The following KNTC1 variants were observed in gnomAD, a reference collection of about 807,000 sequenced individuals.
KNTC1 encodes kinetochore-associated protein 1.
KNTC1 carries 253 observed loss-of-function variants against 314.4 expected under a neutral mutation model. The observed-to-expected ratio is 0.80, with a 90% confidence interval of 0.73 to 0.89. The LOEUF is 0.89. KNTC1 is among the 40% of genes least tolerant of loss of function. The probability of loss-of-function intolerance (pLI) is 0.00; values close to 1 mark genes in which losing one functional copy is unlikely to be tolerated. For synonymous variants in KNTC1, 901 were observed against 901.4 expected (o/e 1.00, Z 0.01); for missense variants, 2,475 against 2,572.9 (o/e 0.96, Z 0.82).
In KNTC1 at chr12:122,619,400, C is replaced by T. The variant is rs150311605; in HGVS notation, c.6149+855C>T. 3.4e-4 allele frequency among the ~76,000 whole-genome samples: 51 copies of T among 148,768 alleles called. No homozygotes were observed. The East Asian group carries it at 7.3e-3, about 21-fold the overall frequency. Reference sequence around the variant, plus strand: ...CTGGGATTACAGATGTGAGGCACTGCGCCCAGCAACACTTGTTTTGTTTTG... The same window carrying T: ...CTGGGATTACAGATGTGAGGCACTGTGCCCAGCAACACTTGTTTTGTTTTG... On this transcript the variant is annotated intron_variant, in intron 59 of 63. Transcript: ENST00000333479.
At chr12:122,622,116 T>C in intron 61 of KNTC1, 146 bp downstream of exon 61, 5 of 704,064 alleles carry the variant, frequency 7.1e-6, no homozygotes, top group Non-Finnish European at 1.2e-5. Flanking sequence ...AAAACCTCAG[T>C]AAATTTTTTA....
At chr12:122,588,841 T>C (rs199744630) in intron 40 of KNTC1, 25 bp downstream of exon 40, 451 of 1,456,880 alleles carry the variant, frequency 3.1e-4, no homozygotes, top group Middle Eastern at 2.1e-3. Context: ...TGGGTAAAAA[T>C]TTTGTTTGTT....
chr12:122,564,042 A>C (rs1272477540), intron 20 of KNTC1, among the ~76,000 whole-genome samples: 1 of 152,194 alleles, frequency 6.6e-6, no homozygotes, highest in African/African-American at 2.4e-5. Flanking sequence ...CAGCGATGCT[A>C]TCTTGGCTCA....
intron 31 of KNTC1, among the ~76,000 whole-genome samples, chr12:122,578,377 G>T (rs1421336118): frequency 6.6e-6 from 1 of 150,688 alleles, no homozygotes; most frequent in African/African-American, 2.4e-5. Flanking sequence ...AAGTAGCTGG[G>T]ATTACAGGCA....
intron 35 of KNTC1, 117 bp downstream of exon 35, chr12:122,584,567 G>A (rs1868962474): frequency 1.5e-6 from 1 of 686,382 alleles, no homozygotes; most frequent in African/African-American, 1.8e-5. Flanking sequence ...GATAGTATCT[G>A]CATTTCACAA....
chr12:122,590,784 G>C (rs372339866), intron 41 of KNTC1, 49 bp downstream of exon 41: 7 of 1,562,208 alleles, frequency 4.5e-6, no homozygotes, highest in Admixed American at 1.8e-5. Context: ...TTCAAGATTG[G>C]GGGGGAGAAA....
intron 20 of KNTC1, chr12:122,563,858 T>A: frequency 1.4e-6 from 2 of 1,382,616 alleles, no homozygotes; most frequent in Non-Finnish European, 1.9e-6. Flanking sequence ...CTTCACTCTA[T>A]AAACAGGGTT....
chr12:122,552,861 G>C (rs761635772), intron 16 of KNTC1, among the ~76,000 whole-genome samples: 2 of 152,028 alleles, frequency 1.3e-5, no homozygotes, highest in Non-Finnish European at 1.5e-5. Flanking sequence ...GCTGATAAGA[G>C]AGGAATATAG....
chr12:122,539,962 T>G (rs1378992459), intron 5 of KNTC1, among the ~76,000 whole-genome samples: 1 of 151,160 alleles, frequency 6.6e-6, no homozygotes, highest in Non-Finnish European at 1.5e-5. Context: ...GTATTTTTAA[T>G]AGAGATGGAG....
intron 18 of KNTC1, among the ~76,000 whole-genome samples, chr12:122,560,747 A>C (rs1230490352): frequency 6.6e-6 from 1 of 152,176 alleles, no homozygotes; most frequent in East Asian, 1.9e-4. Flanking sequence ...TTCCAGCAAC[A>C]GTGCATAAGT....
At chr12:122,565,997 C>T (rs1249561806) in intron 20 of KNTC1, among the ~76,000 whole-genome samples, 2 of 136,666 alleles carry the variant, frequency 1.5e-5, no homozygotes. Context: ...GTGTGGAGTG[C>T]AGTGGCATGA....
At chr12:122,544,022 C>T (rs1331921122) in intron 7 of KNTC1, 137 bp from the exon 8 acceptor site, 2 of 460,698 alleles carry the variant, frequency 4.3e-6, no homozygotes, top group Admixed American at 4.2e-5. Context: ...GCACTCTAGC[C>T]TGGGCAACAA....
Position 122,573,025 on chromosome 12 carries a change from A to G in KNTC1, c.2108A>G (p.Asn703Ser), listed in dbSNP as rs749909411. 2.2e-5 allele frequency: 36 copies of G among 1,611,740 alleles called. No individual in the cohort carries two copies. In the Admixed American group the frequency reaches 5.2e-4, roughly 23 times the overall value. Residue 703 changes from asparagine (N) to serine (S), a missense_variant, in exon 25 of 64, where the codon AAC (asparagine) becomes AGC (serine). Physicochemically the swap from Asn to Ser is conservative, Grantham distance 46. Transcript: ENST00000333479. ...TTGATCACGTTGCATAGGAAGTACA[A>G]CTGCAAATTAGCCCTCTCTGATTTT... ...RELITLHRKY[N>S]CKLALSDFEK...
At chr12:122,541,287 G>GCCTTCCTT (rs1555222321) in intron 5 of KNTC1, among the ~76,000 whole-genome samples, 9,232 of 120,856 alleles carry the variant, frequency 0.076, 575 homozygotes, top group East Asian at 0.23. Context: ...CTGCCTGCCT[G>GCCTTCCTT]CCTTCCTTCC....
intron 39 of KNTC1, 55 bp from the exon 40 acceptor site, chr12:122,588,657 T>C: frequency 8.1e-7 from 1 of 1,238,030 alleles, no homozygotes; most frequent in East Asian, 2.9e-5. Context: ...TTGAAAAAAT[T>C]TTCAGAATGT....
At chr12:122,564,405 G>A (rs755461286) in intron 20 of KNTC1, among the ~76,000 whole-genome samples, 15 of 151,952 alleles carry the variant, frequency 9.9e-5, no homozygotes, top group African/African-American at 3.4e-4. Context: ...TTATAGAATC[G>A]TATAAAAATA....
At chr12:122,557,232 T>C (rs1181213971) in intron 16 of KNTC1, among the ~76,000 whole-genome samples, 152 bp from the exon 17 acceptor site, 1 of 152,192 alleles carries the variant, frequency 6.6e-6, no homozygotes, top group African/African-American at 2.4e-5. Flanking sequence ...CTCTCAGATA[T>C]CTGAATGTTA....
At chr12:122,558,707 C>T (rs1963767724) in intron 18 of KNTC1, among the ~76,000 whole-genome samples, 1 of 151,824 alleles carries the variant, frequency 6.6e-6, no homozygotes, top group African/African-American at 2.4e-5. Context: ...GAAACCCCAT[C>T]TCTACTAAAA....
intron 45 of KNTC1, 118 bp downstream of exon 45, chr12:122,601,743 G>T: frequency 3.9e-6 from 4 of 1,015,968 alleles, no homozygotes; most frequent in Non-Finnish European, 5.1e-6. Context: ...AAACTCTGTG[G>T]TTTATTTTAG....
Sources: gnomAD v4.1 joint callset for allele counts (sites outside exome capture counted in the v4.1 genomes callset) on GRCh38, gnomAD v4.1.1 for gene constraint, MANE v1.5 for transcripts, NCBI Gene and HGNC (gene_info 2026-07-23, HGNC 2026-07-21) for gene names.